IGF2BP2: variants seen among roughly 807,000 people sequenced by gnomAD.
The protein encoded by IGF2BP2 is insulin like growth factor 2 mRNA binding protein 2, also known as insulin-like growth factor 2 mRNA-binding protein 2.
IGF2BP2 carries 17 observed loss-of-function variants against 75.8 expected under a neutral mutation model. The ratio of observed to expected loss-of-function variants is 0.22; its 90% CI spans 0.15 to 0.34. IGF2BP2 has a LOEUF of 0.34. Ranked by LOEUF, IGF2BP2 falls within the 10% of genes least tolerant of loss-of-function variation. IGF2BP2 has a pLI of 1.00. For missense variants in IGF2BP2, 516 were observed against 772.4 expected (o/e 0.67, Z 3.93); for synonymous variants, 288 against 295.6 (o/e 0.97, Z 0.26).
intron 2 of IGF2BP2, chr3:185,716,560 G>A (rs1362259991): frequency 1.9e-6 from 1 of 520,136 alleles, no homozygotes; most frequent in South Asian, 1.4e-5. Context: ...AGACTGCTGG[G>A]CTGGCCACCA....
chr3:185,720,128 T>C (rs1435349866), intron 2 of IGF2BP2, among the ~76,000 whole-genome samples: 1 of 152,228 alleles, frequency 6.6e-6, no homozygotes, highest in Non-Finnish European at 1.5e-5. Context: ...GCATTGAACC[T>C]GTGCCCTGCC....
intron 2 of IGF2BP2, among the ~76,000 whole-genome samples, chr3:185,723,797 T>C (rs994051285): frequency 6.6e-6 from 1 of 151,930 alleles, no homozygotes; most frequent in Non-Finnish European, 1.5e-5. Context: ...CGATGGGAGC[T>C]CAGAGGAAAG....
At chr3:185,665,286 G>C (rs1217131764) in intron 10 of IGF2BP2, among the ~76,000 whole-genome samples, 2 of 139,982 alleles carry the variant, frequency 1.4e-5, no homozygotes, top group South Asian at 2.5e-4. Context: ...AGGAGAAGAA[G>C]AAGAAGGAGG....
At chr3:185,795,897 A>G (rs572040237) in intron 2 of IGF2BP2, among the ~76,000 whole-genome samples, 1 of 152,274 alleles carries the variant, frequency 6.6e-6, no homozygotes, top group East Asian at 1.9e-4. Context: ...AAAAAAAGAA[A>G]AGAAAAAAGA....
chr3:185,821,245 T>C (rs1315327630), intron 2 of IGF2BP2: 18 of 847,100 alleles, frequency 2.1e-5, no homozygotes, highest in African/African-American at 5.2e-5. Context: ...TATGCATACA[T>C]TTGGAATGTT....
chr3:185,737,582 A>C lies in IGF2BP2; in HGVS notation c.240-39235T>G, dbSNP rs1729018296. ...TTAAAAACATAAACAAAAAAATTGG[A>C]AACAAGTATGTCAAATAACTTGTTA... On this transcript the variant is annotated intron_variant, in intron 2 of 15. Transcript: ENST00000382199. Among the ~76,000 whole-genome samples the C allele has an allele frequency of 2.6e-5, 4 of 152,382 alleles. No individual in the cohort carries two copies. In the South Asian group the frequency reaches 8.3e-4, roughly 32 times the overall value.
chr3:185,750,918 T>C (rs1417235390), intron 2 of IGF2BP2, among the ~76,000 whole-genome samples: 8 of 152,238 alleles, frequency 5.3e-5, no homozygotes, highest in Non-Finnish European at 1.2e-4. Flanking sequence ...TCTCTTCTTT[T>C]AAAACAATTG....
chr3:185,647,239 AG>A lies in IGF2BP2; in HGVS notation c.1594-102del, dbSNP rs1464101696. 1.2e-6 allele frequency: 1 copy of A among 849,850 alleles called. No homozygotes were observed. The highest frequency in any genetic ancestry group is 1.7e-5 in the African/African-American group (1 of 60,190). 52.6% of individuals were successfully genotyped at this position (849,850 alleles called of 1,614,324 possible). On this transcript the variant is annotated intron_variant, in intron 14 of 15. Transcript: ENST00000382199. This position sits in a 1 kb window ranked among gnomAD's most constrained non-coding sequence, Gnocchi z 4.9. ...GGCCAAGAGGTGGAGCAGGGGAAGGAGGGGGGCTGGACTCTGCTCTCCTTTC... is the reference window on the plus strand; with the variant it reads ...GGCCAAGAGGTGGAGCAGGGGAAGGAGGGGGCTGGACTCTGCTCTCCTTTC...
chr3:185,753,158 A>G (rs1040303520), intron 2 of IGF2BP2, among the ~76,000 whole-genome samples: 2 of 152,172 alleles, frequency 1.3e-5, no homozygotes, highest in Non-Finnish European at 2.9e-5. Flanking sequence ...TGAGTGTCAG[A>G]ATTACCTTTC....
chr3:185,820,420 G>C (rs77580728), intron 2 of IGF2BP2, among the ~76,000 whole-genome samples: 12,225 of 151,638 alleles, frequency 0.081, 751 homozygotes, highest in African/African-American at 0.18. Flanking sequence ...AATATTAATA[G>C]AGAAAAAAAG....
chr3:185,797,287 C>A (rs4686695), intron 2 of IGF2BP2, among the ~76,000 whole-genome samples: 151,814 of 152,302 alleles, frequency 1, 75,665 homozygotes, highest in East Asian at 1. Context: ...GTGAGGTGGA[C>A]GCTCAGGAGT....
chr3:185,689,563 C>T lies in IGF2BP2; in HGVS notation c.469G>A (p.Asp157Asn). ...NYSFKISYIP[D>N]EEVSSPSPPQ... ...GGCGAAGGGGAGCTCACCTCTTCAT[C>T]CGGGATGTAGGAAATCTTGAAGGAG... Residue 157 changes from aspartate (D) to asparagine (N), a missense_variant, in exon 6 of 16, where the codon GAT (aspartate) becomes AAT (asparagine). By Grantham distance (23) the Asp-to-Asn change is conservative (BLOSUM62 1). Around this residue, in one of 3 missense-constraint regions of IGF2BP2, gnomAD observed 312 missense variants for 474.5 expected, o/e 0.66. Coordinates refer to ENST00000382199, the MANE Select transcript of IGF2BP2 (RefSeq NM_006548.6). 6.2e-7 allele frequency: 1 copy of T among 1,614,246 alleles called. No homozygotes were observed. Among genetic ancestry groups the T allele is most frequent in the Non-Finnish European group, 8.5e-7 (1 of 1,180,042 alleles).
intron 2 of IGF2BP2, among the ~76,000 whole-genome samples, chr3:185,738,542 G>C (rs1184795585): frequency 6.6e-6 from 1 of 152,210 alleles, no homozygotes. Flanking sequence ...GAACGAAAGA[G>C]ATGAATCCAG....
At chr3:185,776,100 C>T (rs754363545) in intron 2 of IGF2BP2, among the ~76,000 whole-genome samples, 7 of 152,052 alleles carry the variant, frequency 4.6e-5, no homozygotes, top group Non-Finnish European at 1.0e-4. Context: ...AACAAATTAG[C>T]TGGGTGTGGT....
intron 10 of IGF2BP2, among the ~76,000 whole-genome samples, chr3:185,665,169 T>TAAAAAAA (rs869141172): frequency 4.1e-5 from 4 of 96,768 alleles, no homozygotes; most frequent in African/African-American, 1.7e-4. Context: ...CCCTGTTTCT[T>TAAAAAAA]AAAAAAAAAA....
chr3:185,739,104 G>T (rs1307821434), intron 2 of IGF2BP2, among the ~76,000 whole-genome samples: 1 of 152,070 alleles, frequency 6.6e-6, no homozygotes, highest in Non-Finnish European at 1.5e-5. Context: ...TATCTTTGGT[G>T]GCATATATAA....
At chr3:185,687,483 T>C (rs928240075) in intron 6 of IGF2BP2, among the ~76,000 whole-genome samples, 7 of 152,224 alleles carry the variant, frequency 4.6e-5, no homozygotes, top group African/African-American at 1.7e-4. Context: ...GTAAATGAAG[T>C]ATTTTGTGTA....
At chr3:185,808,077 C>A (rs920715204) in intron 2 of IGF2BP2, among the ~76,000 whole-genome samples, 1 of 146,304 alleles carries the variant, frequency 6.8e-6, no homozygotes, top group Middle Eastern at 3.7e-3. Context: ...CCTGGGAGTT[C>A]GAGTCCAGCC....
At chr3:185,811,830 G>GTCTCTCTCTC (rs58208457) in intron 2 of IGF2BP2, among the ~76,000 whole-genome samples, 1,237 of 120,572 alleles carry the variant, frequency 0.01, 26 homozygotes, top group Non-Finnish European at 0.015. Context: ...AGAGTAGGGT[G>GTCTCTCTCTC]TCTCTCTCTC....
Sources: allele counts gnomAD v4.1 joint callset (sites outside exome capture counted in the v4.1 genomes callset), GRCh38; gene constraint gnomAD v4.1.1; regional missense constraint gnomAD v4.1.1; non-coding constraint Gnocchi (gnomAD v3.1); transcripts MANE v1.5; gene names NCBI Gene and HGNC (gene_info 2026-07-23, HGNC 2026-07-21).